The following SPIDR variants were observed in gnomAD, a reference collection of about 807,000 sequenced individuals.
SPIDR encodes the protein scaffold protein involved in DNA repair, also known as DNA repair-scaffolding protein.
A neutral mutation model predicts 104.6 loss-of-function variants in SPIDR; 93 were observed. That is an observed-to-expected ratio of 0.89 (90% CI 0.75 to 1.06). The LOEUF is 1.06. SPIDR is among the 50% of genes least tolerant of loss of function. SPIDR has a pLI of 0.00. For missense variants in SPIDR, 1,154 were observed against 1,111.2 expected (o/e 1.04, Z -0.55); for synonymous variants, 431 against 416.9 (o/e 1.03, Z -0.41).
At chr8:47,436,932 C>T (rs966030468) in intron 7 of SPIDR, among the ~76,000 whole-genome samples, 3 of 152,110 alleles carry the variant, frequency 2.0e-5, no homozygotes, top group East Asian at 1.9e-4. Flanking sequence ...ATGGGAGCGC[C>T]GCTCAGTATT....
chr8:47,564,795 A>G (rs906824958), intron 8 of SPIDR, among the ~76,000 whole-genome samples: 3 of 152,182 alleles, frequency 2.0e-5, no homozygotes, highest in African/African-American at 7.2e-5. Context: ...AGTTTGATAT[A>G]TATAATACAT....
intron 5 of SPIDR, among the ~76,000 whole-genome samples, chr8:47,360,166 C>G (rs894710786): frequency 1.8e-4 from 23 of 128,298 alleles, no homozygotes; most frequent in African/African-American, 6.6e-4. Context: ...GGCATGAACC[C>G]GGGAGGCGGA....
intron 5 of SPIDR, among the ~76,000 whole-genome samples, chr8:47,361,606 C>T (rs754550501): frequency 2.8e-4 from 42 of 152,208 alleles, no homozygotes; most frequent in Non-Finnish European, 5.6e-4. Flanking sequence ...CATTCTCAGA[C>T]GCTTCTGCCA....
chr8:47,453,753 C>A (rs1554707868), intron 8 of SPIDR, among the ~76,000 whole-genome samples: 1 of 152,062 alleles, frequency 6.6e-6, no homozygotes, highest in African/African-American at 2.4e-5. Flanking sequence ...AGCATAAAAA[C>A]CCTAGAAGAA....
intron 5 of SPIDR, among the ~76,000 whole-genome samples, chr8:47,340,469 G>T (rs879969013): frequency 6.6e-6 from 1 of 152,110 alleles, no homozygotes; most frequent in Non-Finnish European, 1.5e-5. Context: ...TCTGGACATG[G>T]TGGCACCCTG....
At chr8:47,512,008 C>G in intron 8 of SPIDR, 1 of 761,110 alleles carries the variant, frequency 1.3e-6, no homozygotes, top group Middle Eastern at 2.4e-4. Flanking sequence ...GTCTTCTTCC[C>G]CTCTGTCCTC....
rs912711683 is a variant in SPIDR at position 47,380,412 on chromosome 8, G to A, written c.526-15964G>A. 1.9e-4 allele frequency among the ~76,000 whole-genome samples: 29 copies of A among 152,274 alleles called. No individual in the cohort carries two copies. The Middle Eastern group carries it at 0.01, about 54-fold the overall frequency. On this transcript the variant is annotated intron_variant, in intron 5 of 19. Coordinates refer to ENST00000297423, the MANE Select transcript of SPIDR (RefSeq NM_001080394.4). ...GCAGACAAGGTGCGTCAGGACCTCG[G>A]AGGACCGTGTTGCTGGGCGGGGCCT...
At chr8:47,680,974 G>A (rs939315374) in intron 11 of SPIDR, among the ~76,000 whole-genome samples, 1 of 152,192 alleles carries the variant, frequency 6.6e-6, no homozygotes, top group Non-Finnish European at 1.5e-5. Context: ...AGAGGTAGGC[G>A]AATCACTTGA....
intron 5 of SPIDR, among the ~76,000 whole-genome samples, chr8:47,387,080 A>G (rs1430182597): frequency 1.3e-5 from 2 of 152,184 alleles, no homozygotes. Flanking sequence ...GAAACCTTGA[A>G]ACATGAGAAA....
At chr8:47,527,390 C>CCTAG (rs914760937) in intron 8 of SPIDR, 9 of 152,224 alleles carry the variant, frequency 5.9e-5, no homozygotes, top group Non-Finnish European at 1.3e-4. Context: ...TTACTAAAGA[C>CCTAG]CTAGACCTCA....
chr8:47,384,314 G>A (rs2059640122), intron 5 of SPIDR, among the ~76,000 whole-genome samples: 1 of 152,134 alleles, frequency 6.6e-6, no homozygotes, highest in Admixed American at 6.6e-5. Context: ...AAAAAGTATA[G>A]CTTTACTGAT....
intron 10 of SPIDR, among the ~76,000 whole-genome samples, chr8:47,600,248 C>T (rs2062096849): frequency 6.6e-6 from 1 of 152,136 alleles, no homozygotes; most frequent in Non-Finnish European, 1.5e-5. Flanking sequence ...TGGTTGCTCA[C>T]ACATATAATC....
intron 5 of SPIDR, among the ~76,000 whole-genome samples, chr8:47,382,630 C>A (rs559653243): frequency 6.6e-6 from 1 of 152,142 alleles, no homozygotes; most frequent in African/African-American, 2.4e-5. Flanking sequence ...CTAGGATGGT[C>A]TCGATCTCTT....
chr8:47,608,317 A>C (rs1357096550), intron 10 of SPIDR, among the ~76,000 whole-genome samples: 1 of 152,210 alleles, frequency 6.6e-6, no homozygotes, highest in African/African-American at 2.4e-5. Context: ...TTTTCTGTGA[A>C]TATACCATAT....
At chr8:47,364,376 T>A (rs959830246) in intron 5 of SPIDR, among the ~76,000 whole-genome samples, 1 of 152,226 alleles carries the variant, frequency 6.6e-6, no homozygotes, top group Non-Finnish European at 1.5e-5. Flanking sequence ...GGAGAGTTAC[T>A]GCCATCGTGT....
chr8:47,442,215 G>T (rs547475784), intron 8 of SPIDR, among the ~76,000 whole-genome samples: 2 of 152,228 alleles, frequency 1.3e-5, no homozygotes, highest in Admixed American at 1.3e-4. Context: ...CTTAGAAAGT[G>T]AATCCTCTTA....
chr8:47,382,663 G>A (rs191513856), intron 5 of SPIDR, among the ~76,000 whole-genome samples: 132 of 152,226 alleles, frequency 8.7e-4, no homozygotes, highest in African/African-American at 2.5e-3. Context: ...CACCCACCTC[G>A]GCCTCCCAAA....
At chr8:47,710,206 G>A (rs2081655071) in intron 14 of SPIDR, among the ~76,000 whole-genome samples, 2 of 151,946 alleles carry the variant, frequency 1.3e-5, no homozygotes, top group Admixed American at 1.3e-4. Context: ...GCAGTGTAGT[G>A]GTAGTACTGC....
chr8:47,411,251 A>G (rs1317695074), intron 7 of SPIDR, among the ~76,000 whole-genome samples: 5 of 152,178 alleles, frequency 3.3e-5, no homozygotes, highest in Admixed American at 6.5e-5. Flanking sequence ...TTCCACAATG[A>G]TTGAACTAGT....
Sources: gnomAD v4.1 joint callset for allele counts (sites outside exome capture counted in the v4.1 genomes callset) on GRCh38, gnomAD v4.1.1 for gene constraint, MANE v1.5 for transcripts, NCBI Gene and HGNC (gene_info 2026-07-23, HGNC 2026-07-21) for gene names.